DLGAP2: variants seen among roughly 807,000 people sequenced by gnomAD.
DLGAP2 encodes DLG associated protein 2, also known as disks large-associated protein 2.
Under a neutral mutation model 100.3 loss-of-function variants are expected in DLGAP2, and 26 were observed. The observed-to-expected ratio is 0.26, with a 90% CI of 0.19 to 0.36. DLGAP2 has a LOEUF of 0.36. DLGAP2 is among the 10% of genes least tolerant of loss of function. The pLI, the probability that DLGAP2 is intolerant of heterozygous loss-of-function variation, is 1.00. For missense variants in DLGAP2, 1,858 were observed against 1,453.2 expected, an observed-to-expected ratio of 1.28 and a Z score of -4.53; for synonymous variants, 886 against 630.1, an observed-to-expected ratio of 1.41 and a Z score of -6.08.
At chr8:1,261,213 G>A (rs1474823711) in intron 3 of DLGAP2, among the ~76,000 whole-genome samples, 4 of 150,816 alleles carry the variant, frequency 2.7e-5, no homozygotes, top group Admixed American at 6.6e-5. Context: ...TCTTTAAAAC[G>A]AGACAGACTG....
At chr8:1,098,965 G>A (rs1804491639) in intron 2 of DLGAP2, among the ~76,000 whole-genome samples, 1 of 152,220 alleles carries the variant, frequency 6.6e-6, no homozygotes, top group Non-Finnish European at 1.5e-5. Flanking sequence ...TGGGAGGTGG[G>A]ATAGGTGTGC....
chr8:1,348,081 G>A (rs1801609131), intron 3 of DLGAP2, among the ~76,000 whole-genome samples: 2 of 151,512 alleles, frequency 1.3e-5, no homozygotes, highest in Non-Finnish European at 2.9e-5. Flanking sequence ...GTAACTGTCT[G>A]GAGGCTGAGT....
At chr8:1,300,274 C>CAG (rs1800301777) in intron 3 of DLGAP2, 1 of 151,602 alleles carries the variant, frequency 6.6e-6, no homozygotes, top group Non-Finnish European at 1.5e-5. Context: ...TATACATACA[C>CAG]ATACACGTGG....
At chr8:1,049,795 G>C (rs1563164726) in intron 2 of DLGAP2, among the ~76,000 whole-genome samples, 1 of 152,110 alleles carries the variant, frequency 6.6e-6, no homozygotes, top group Admixed American at 6.5e-5. Flanking sequence ...CATGAGTGCA[G>C]GCAGTAACAG....
chr8:905,073 C>T (rs1331199577), intron 1 of DLGAP2, among the ~76,000 whole-genome samples: 5 of 152,036 alleles, frequency 3.3e-5, no homozygotes, highest in African/African-American at 1.2e-4. Context: ...TAGGGGTGAG[C>T]GCCTTTTTCG....
chr8:1,195,401 T>A (rs10503159), intron 2 of DLGAP2, among the ~76,000 whole-genome samples: 1 of 152,110 alleles, frequency 6.6e-6, no homozygotes, highest in African/African-American at 2.4e-5. Context: ...ATATGTGTTA[T>A]TAATGAAAAA....
At chr8:952,504 G>T (rs1799504946) in intron 2 of DLGAP2, among the ~76,000 whole-genome samples, 1 of 152,100 alleles carries the variant, frequency 6.6e-6, no homozygotes, top group African/African-American at 2.4e-5. Context: ...GGGTGTAGTG[G>T]TGGGCGTCTA....
chr8:1,383,876 G>C (rs761880717), intron 3 of DLGAP2, among the ~76,000 whole-genome samples: 1 of 152,136 alleles, frequency 6.6e-6, no homozygotes, highest in East Asian at 1.9e-4. Context: ...GTGAGAGAGC[G>C]GCAGATGTCT....
chr8:1,017,496 CTG>C (rs779150690), intron 2 of DLGAP2, among the ~76,000 whole-genome samples: 13 of 94,666 alleles, frequency 1.4e-4, no homozygotes, highest in South Asian at 9.9e-4. Flanking sequence ...GGCGCCTCCA[CTG>C]TGTGTGTGAC....
At chr8:1,306,390 A>C (rs1212563353) in intron 3 of DLGAP2, among the ~76,000 whole-genome samples, 1 of 152,154 alleles carries the variant, frequency 6.6e-6, no homozygotes, top group African/African-American at 2.4e-5. Flanking sequence ...CAAGGAGGAG[A>C]GAGGCTGTAC....
intron 6 of DLGAP2, among the ~76,000 whole-genome samples, chr8:1,590,826 C>T (rs1288780566): frequency 3.9e-5 from 6 of 152,156 alleles, no homozygotes. Flanking sequence ...GCAGACAGCC[C>T]CTTGCATCCC....
intron 3 of DLGAP2, among the ~76,000 whole-genome samples, chr8:1,317,736 CGTGT>C (rs1423755231): frequency 1.2e-5 from 1 of 86,114 alleles, no homozygotes; most frequent in African/African-American, 5.7e-5. Flanking sequence ...AAAAATAGAG[CGTGT>C]GTGAGTGCAG....
chr8:1,284,523 G>C (rs2116955814), intron 3 of DLGAP2, among the ~76,000 whole-genome samples: 1 of 152,316 alleles, frequency 6.6e-6, no homozygotes, highest in East Asian at 1.9e-4. Context: ...ACCACGAGCT[G>C]TCAACTCACC....
chr8:1,286,111 T>C (rs369835913), intron 3 of DLGAP2, among the ~76,000 whole-genome samples: 2 of 152,206 alleles, frequency 1.3e-5, no homozygotes, highest in South Asian at 2.1e-4. Context: ...GTGGAGATCA[T>C]TGAATCATGG....
intron 2 of DLGAP2, among the ~76,000 whole-genome samples, chr8:1,251,743 A>G (rs768899796): frequency 3.3e-5 from 5 of 152,132 alleles, no homozygotes; most frequent in African/African-American, 4.8e-5. Context: ...TCATATAGTC[A>G]TTGTCGTACA....
chr8:1,191,982 C>G (rs1325695529), intron 2 of DLGAP2, among the ~76,000 whole-genome samples: 1 of 152,216 alleles, frequency 6.6e-6, no homozygotes, highest in Non-Finnish European at 1.5e-5. Context: ...AACTTAACAT[C>G]TCAAAATCAC....
intron 3 of DLGAP2, among the ~76,000 whole-genome samples, chr8:1,298,498 C>T (rs1275729490): frequency 2.0e-5 from 3 of 152,168 alleles, no homozygotes; most frequent in Non-Finnish European, 4.4e-5. Context: ...GAGTGTGCTC[C>T]TCTGGCCCCG....
chr8:1,647,371 C>T (rs1798063705), intron 8 of DLGAP2, among the ~76,000 whole-genome samples: 1 of 151,388 alleles, frequency 6.6e-6, no homozygotes. Flanking sequence ...TGCCTGTAGT[C>T]CCAGCTACTC....
At chr8:1,178,690 A>G (rs1468443571) in intron 2 of DLGAP2, among the ~76,000 whole-genome samples, 1 of 152,090 alleles carries the variant, frequency 6.6e-6, no homozygotes, top group Non-Finnish European at 1.5e-5. Context: ...GAAGTGCACA[A>G]AATGTAGAAG....
Sources: gnomAD v4.1 joint callset for allele counts (sites outside exome capture counted in the v4.1 genomes callset) on GRCh38, gnomAD v4.1.1 for gene constraint, MANE v1.5 for transcripts, NCBI Gene and HGNC (gene_info 2026-07-23, HGNC 2026-07-21) for gene names.